EP400: variants seen among roughly 807,000 people sequenced by gnomAD.
EP400 encodes E1A-binding protein p400.
EP400 carries 105 observed loss-of-function variants against 354.1 expected under a neutral mutation model. That is an observed-to-expected ratio of 0.30 (90% CI 0.25 to 0.35). The LOEUF (loss-of-function observed/expected upper bound fraction) is 0.35, where lower values mean the gene tolerates loss of function less well. Ranked by LOEUF, EP400 falls within the 10% of genes least tolerant of loss-of-function variation. The pLI is 1.00. For synonymous variants in EP400, 1,646 were observed against 1,716.9 expected (o/e 0.96, Z 1.02); for missense variants, 3,280 against 4,121.0 (o/e 0.80, Z 5.59).
chr12:132,062,345 T>C (rs1291014303), intron 46 of EP400, 22 bp downstream of exon 46: 1 of 1,613,608 alleles, frequency 6.2e-7, no homozygotes, highest in African/African-American at 1.3e-5. Context: ...CTGGGAGCTT[T>C]CTCTGCCACA....
chr12:132,024,093 C>G, intron 24 of EP400, 152 bp downstream of exon 24: 1 of 893,864 alleles, frequency 1.1e-6, no homozygotes, highest in Non-Finnish European at 1.6e-6. Flanking sequence ...CATGGAAGAC[C>G]AGCGAGATGA....
At chr12:132,019,866 G>GGCTA (rs1368937441) in intron 21 of EP400, among the ~76,000 whole-genome samples, 183 bp from the exon 22 acceptor site, 1 of 152,128 alleles carries the variant, frequency 6.6e-6, no homozygotes, top group Non-Finnish European at 1.5e-5. Flanking sequence ...GCCCGGGCCC[G>GGCTA]GGGTGAGCTT....
In EP400 at chr12:132,029,641, C is replaced by G; in HGVS notation, c.5382-60C>G. On this transcript the variant is annotated intron_variant, in intron 27 of 52. Coordinates refer to ENST00000389561, the MANE Select transcript of EP400 (RefSeq NM_015409.5). This position sits in a 1 kb window ranked among gnomAD's most constrained non-coding sequence, Gnocchi z 4.7. Reference sequence around the variant, plus strand: ...AGTCTGCCCCATCTTTCAGGAGCCCCCATGCTGGGTGAAGGTGTGTGGCTC... The same window carrying G: ...AGTCTGCCCCATCTTTCAGGAGCCCGCATGCTGGGTGAAGGTGTGTGGCTC... The G allele has an allele frequency of 1.9e-6, 3 of 1,564,082 alleles. No individual in the cohort carries two copies. In the South Asian group the frequency reaches 3.4e-5, roughly 18 times the overall value.
intron 47 of EP400, among the ~76,000 whole-genome samples, chr12:132,064,006 C>G (rs1895799301): frequency 6.7e-6 from 1 of 148,368 alleles, no homozygotes; most frequent in South Asian, 2.2e-4. Context: ...GTCACCTGCC[C>G]CGGTTCAACC....
intron 29 of EP400, chr12:132,031,470 C>A: frequency 2.1e-6 from 1 of 477,782 alleles, no homozygotes; most frequent in Non-Finnish European, 4.2e-6. Context: ...AGTGGCTGCA[C>A]AGAAGAGCTG....
intron 30 of EP400, among the ~76,000 whole-genome samples, chr12:132,035,184 G>A (rs886224207): frequency 7.2e-5 from 11 of 152,174 alleles, no homozygotes; most frequent in African/African-American, 1.2e-4. Context: ...TTTAATGCAC[G>A]ATGAGATCTC....
chr12:131,951,865 C>T (rs1434886572), intron 1 of EP400, among the ~76,000 whole-genome samples: 1 of 152,120 alleles, frequency 6.6e-6, no homozygotes, highest in African/African-American at 2.4e-5. Flanking sequence ...CAACCTCCGC[C>T]TCCCGGGTTC....
At chr12:132,046,300 G>GT (rs1308246335) in intron 39 of EP400, among the ~76,000 whole-genome samples, 1 of 152,132 alleles carries the variant, frequency 6.6e-6, no homozygotes, top group Non-Finnish European at 1.5e-5. Context: ...CTCTCGCTTG[G>GT]TTTTGATCAT....
rs1895942136 is a variant in EP400 at position 132,067,836 on chromosome 12, G to C, written c.8874+350G>C. On this transcript the variant is annotated intron_variant, in intron 50 of 52. Coordinates refer to ENST00000389561, the MANE Select transcript of EP400 (RefSeq NM_015409.5). This position sits in a 1 kb window ranked among gnomAD's most constrained non-coding sequence, Gnocchi z 5.3. ...CAGTGGGCTCAGGGAAGCAGACGCAGCTCACACCACAGGACCCGCCTGGAC... is the reference window on the plus strand; with the variant it reads ...CAGTGGGCTCAGGGAAGCAGACGCACCTCACACCACAGGACCCGCCTGGAC... Among the ~76,000 whole-genome samples, 1 of 152,090 alleles carries C rather than the reference G, an allele frequency of 6.6e-6. No homozygotes were observed. Among genetic ancestry groups the C allele is most frequent in the Non-Finnish European group, 1.5e-5 (1 of 68,008 alleles).
rs1398686636 is a variant in EP400, at chr12:132,027,100, C to T, written c.5015-337C>T. On this transcript the variant is annotated intron_variant, in intron 25 of 52. Transcript: ENST00000389561. This position sits in a 1 kb window ranked among gnomAD's most constrained non-coding sequence, Gnocchi z 4.9. ...CTAGGAGGTGGCCATGTGCTGATGG[C>T]GATGGGGTACCCAGGGCCTCGGAGG... 3.9e-5 allele frequency among the ~76,000 whole-genome samples: 6 copies of T among 152,200 alleles called. No individual in the cohort carries two copies. The highest frequency in any genetic ancestry group is 1.3e-4 in the Admixed American group (2 of 15,292).
Position 131,992,162 on chromosome 12 carries a change from T to C in EP400, c.2680-11T>C. On this transcript the variant is annotated splice_polypyrimidine_tract_variant and intron_variant, in intron 10 of 52. Coordinates refer to ENST00000389561, the MANE Select transcript of EP400 (RefSeq NM_015409.5). ...ATCTCATGCTTGTGGTTTTTCTTTC[T>C]TTTCTTTCAGGATTCAGGAATGTCT... 1 of 1,605,220 alleles carries C rather than the reference T, an allele frequency of 6.2e-7. No homozygotes were observed. The highest frequency in any genetic ancestry group is 8.5e-7 in the Non-Finnish European group (1 of 1,179,910).
At chr12:131,975,249 A>G (rs1222239082) in intron 2 of EP400, among the ~76,000 whole-genome samples, 1 of 152,122 alleles carries the variant, frequency 6.6e-6, no homozygotes, top group Non-Finnish European at 1.5e-5. Context: ...TCTTGAGCAG[A>G]AGTTTCTCAT....
chr12:131,975,533 T>C (rs943372993), intron 2 of EP400, among the ~76,000 whole-genome samples: 2 of 152,134 alleles, frequency 1.3e-5, no homozygotes, highest in African/African-American at 2.4e-5. Context: ...ATAATCTTTT[T>C]TCAGGCTCAC....
rs757930030 is a variant in EP400 at position 131,981,597 on chromosome 12, G to T, written c.1543+1G>T. ...CAGCAACTAATGCCGACCGCACAAG[G>T]TAAGGCCCAGCAGCAGAGCCAGCTC... On this transcript the variant is annotated splice_donor_variant, in intron 4 of 52. Coordinates refer to ENST00000389561, the MANE Select transcript of EP400 (RefSeq NM_015409.5). LOFTEE classifies it high-confidence loss of function. The T allele has an allele frequency of 1.2e-5, 19 of 1,592,070 alleles. No homozygotes were observed. Among genetic ancestry groups the T allele is most frequent in the Non-Finnish European group, 1.6e-5 (19 of 1,169,482 alleles).
Position 132,027,440 on chromosome 12 carries a change from G to C in EP400, c.5018G>C (p.Gly1673Ala). 5 of 1,614,052 alleles carry C rather than the reference G, an allele frequency of 3.1e-6. No homozygotes were observed. Among genetic ancestry groups the C allele is most frequent in the Non-Finnish European group, 4.2e-6 (5 of 1,180,032 alleles). ...CTCTTCCTTTATGCATTTGTAGTTG[G>C]CGTTCCGGGCCGCGTGGCGGTGAAT... ...PSPAPLTPQV[G>A]VPGRVAVNAL... Residue 1673 changes from glycine to alanine, a missense_variant, in exon 26 of 53, where the codon GGC becomes GCC. Physicochemically the swap from Gly to Ala is moderately conservative, Grantham distance 60 (BLOSUM62 0). Around this residue, in one of 20 missense-constraint regions of EP400, gnomAD observed 459 missense variants for 496.9 expected, o/e 0.92. Coordinates refer to ENST00000389561, the MANE Select transcript of EP400 (RefSeq NM_015409.5). The surrounding 1 kb of genome is among the most constrained non-coding windows in gnomAD (Gnocchi z 4.9).
intron 2 of EP400, among the ~76,000 whole-genome samples, chr12:131,974,409 C>A (rs1892398397): frequency 6.6e-6 from 1 of 152,200 alleles, no homozygotes; most frequent in Non-Finnish European, 1.5e-5. Flanking sequence ...AGCCACTACA[C>A]CTGGCTTCAT....
intron 4 of EP400, 52 bp downstream of exon 4, chr12:131,981,648 G>T: frequency 1.3e-6 from 2 of 1,488,968 alleles, no homozygotes; most frequent in Non-Finnish European, 1.8e-6. Context: ...GCAGCACACT[G>T]CGGTTCCAGA....
At chr12:131,970,984 A>G (rs1892269829) in intron 2 of EP400, among the ~76,000 whole-genome samples, 1 of 152,152 alleles carries the variant, frequency 6.6e-6, no homozygotes, top group African/African-American at 2.4e-5. Flanking sequence ...CTGTAGGGTC[A>G]CTTGAGACCG....
chr12:132,013,194 G>A lies in EP400; in HGVS notation c.3611+16G>A, dbSNP rs145728887. On this transcript the variant is annotated intron_variant, in intron 17 of 52. Transcript: ENST00000389561. This position sits in a 1 kb window ranked among gnomAD's most constrained non-coding sequence, Gnocchi z 4.5. Reference sequence around the variant, plus strand: ...CCCTGCAGAGGTCTGTGTGTTACGCGCTTGTCATTGAGTGTTCTTTGCTGT... The same window carrying A: ...CCCTGCAGAGGTCTGTGTGTTACGCACTTGTCATTGAGTGTTCTTTGCTGT... 5.6e-6 allele frequency: 9 copies of A among 1,595,776 alleles called. No individual in the cohort carries two copies. Among genetic ancestry groups the A allele is most frequent in the East Asian group, 2.2e-5 (1 of 44,448 alleles).
Sources: allele counts gnomAD v4.1 joint callset (sites outside exome capture counted in the v4.1 genomes callset), GRCh38; gene constraint gnomAD v4.1.1; regional missense constraint gnomAD v4.1.1; non-coding constraint Gnocchi (gnomAD v3.1); transcripts MANE v1.5; gene names NCBI Gene and HGNC (gene_info 2026-07-23, HGNC 2026-07-21).